Variants in SLC6A19 observed in about 807,000 individuals in gnomAD.
The protein encoded by SLC6A19 is sodium-dependent neutral amino acid transporter B(0)AT1.
SLC6A19 carries 67 observed loss-of-function variants against 68.3 expected under a neutral mutation model. The observed-to-expected ratio is 0.98, with a 90% CI of 0.81 to 1.20. The LOEUF (loss-of-function observed/expected upper bound fraction) is 1.20. Among genes scored for constraint, SLC6A19 ranks in the 50% most tolerant of loss-of-function variants. The probability of loss-of-function intolerance (pLI) is 0.00; values close to 1 mark genes in which losing one functional copy is unlikely to be tolerated. For missense variants in SLC6A19, 813 were observed against 851.6 expected (o/e 0.95, Z 0.56); for synonymous variants, 392 against 374.9 (o/e 1.05, Z -0.53).
rs199734007 is a variant in SLC6A19, at chr5:1,212,375, C to T, written c.554C>T (p.Thr185Met). 514 of 1,613,500 alleles carry T rather than the reference C, an allele frequency of 3.2e-4. No homozygotes were observed. Among genetic ancestry groups the T allele is most frequent in the Non-Finnish European group, 8.6e-5 (102 of 1,179,962 alleles). The change falls in exon 4 of 12, where the codon ACG (threonine) becomes ATG (methionine). Residue 185 changes from threonine (T) to methionine (M), a missense_variant. Transcript: ENST00000304460. This position sits in a 1 kb window ranked among gnomAD's most constrained non-coding sequence, Gnocchi z 5.1. ...TACCGAGAGACGCTCAACATCTCCA[C>T]GTCCATCAGCGACTCGGGCTCCATC... ...FWYRETLNIS[T>M]SISDSGSIQW...
Position 1,222,637 on chromosome 5 carries a change from G to T in SLC6A19, c.*733G>T, listed in dbSNP as rs1037160135. The T allele has an allele frequency of 7.7e-6, 2 of 258,730 alleles. No individual in the cohort carries two copies. Among genetic ancestry groups the T allele is most frequent in the African/African-American group, 2.2e-5 (1 of 45,250 alleles). 16.0% of individuals were successfully genotyped at this position (258,730 alleles called of 1,614,324 possible). A position where few individuals can be genotyped will look rare whatever the true frequency, so the allele number is the denominator to read the frequency against. ...CATATTCAGGCAGGTGTGCATTTGT[G>T]CATGCCAGTGTGTATGTATGTGCGC... On this transcript the variant is annotated 3_prime_UTR_variant, in exon 12 of 12. Coordinates refer to ENST00000304460, the MANE Select transcript of SLC6A19 (RefSeq NM_001003841.3).
chr5:1,205,299 T>C (rs1343937326), intron 1 of SLC6A19, among the ~76,000 whole-genome samples: 24 of 152,242 alleles, frequency 1.6e-4, no homozygotes. Flanking sequence ...CAAATATTCA[T>C]ATTCTGGTGG....
chr5:1,205,213 C>T (rs1394355585), intron 1 of SLC6A19, among the ~76,000 whole-genome samples: 4 of 152,248 alleles, frequency 2.6e-5, no homozygotes, highest in African/African-American at 7.2e-5. Flanking sequence ...GTTCCCTGGG[C>T]GCTGGCCGCC....
chr5:1,220,084 G>A (rs1318859776), intron 10 of SLC6A19, among the ~76,000 whole-genome samples: 1 of 152,072 alleles, frequency 6.6e-6, no homozygotes, highest in Non-Finnish European at 1.5e-5. Flanking sequence ...CTCAGACAGG[G>A]ACTCTTGGTT....
rs1387199462 is a variant in SLC6A19, at chr5:1,209,547, CA to C, written c.343+662del. ...CCCTCCAGGCCCAGGGCAGAGCCCACACCCTCTCGCTGAGTATCCAAGACCT... is the reference window on the plus strand; with the variant it reads ...CCCTCCAGGCCCAGGGCAGAGCCCACCCCTCTCGCTGAGTATCCAAGACCT... On this transcript the variant is annotated intron_variant, in intron 2 of 11. Coordinates refer to ENST00000304460, the MANE Select transcript of SLC6A19 (RefSeq NM_001003841.3). This position sits in a 1 kb window ranked among gnomAD's most constrained non-coding sequence, Gnocchi z 5.5. Among the ~76,000 whole-genome samples, 2 of 152,130 alleles carry C rather than the reference CA, an allele frequency of 1.3e-5. No homozygotes were observed. The highest frequency in any genetic ancestry group is 4.8e-5 in the African/African-American group (2 of 41,432).
intron 1 of SLC6A19, among the ~76,000 whole-genome samples, chr5:1,203,179 A>C (rs1490322485): frequency 6.6e-6 from 1 of 152,090 alleles, no homozygotes; most frequent in East Asian, 1.9e-4. Context: ...TGGGAAGAGG[A>C]GGGGTTGGGA....
intron 1 of SLC6A19, among the ~76,000 whole-genome samples, chr5:1,203,255 T>G (rs796713536): frequency 3.9e-5 from 6 of 152,284 alleles, no homozygotes; most frequent in African/African-American, 1.2e-4. Flanking sequence ...GATGCGGGCT[T>G]GGGCAGGAAT....
Position 1,221,680 on chromosome 5 carries a change from C to T in SLC6A19, c.1702-21C>T, listed in dbSNP as rs190128013. On this transcript the variant is annotated intron_variant, in intron 11 of 11. Coordinates refer to ENST00000304460, the MANE Select transcript of SLC6A19 (RefSeq NM_001003841.3). ...CACTGGCTCCCGGGATGCCTACTCA[C>T]CCATGGGGCTCTCTCCCCAGGAGGA... The T allele has an allele frequency of 8.1e-6, 13 of 1,613,624 alleles. No homozygotes were observed. The East Asian group carries it at 2.9e-4, about 36-fold the overall frequency.
chr5:1,202,872 C>T (rs1485942546), intron 1 of SLC6A19, among the ~76,000 whole-genome samples: 2 of 152,202 alleles, frequency 1.3e-5, no homozygotes, highest in African/African-American at 4.8e-5. Context: ...AGGAGTTGAT[C>T]ACTGCCTTGC....
At chr5:1,206,624 G>A (rs1000266201) in intron 1 of SLC6A19, among the ~76,000 whole-genome samples, 1 of 152,176 alleles carries the variant, frequency 6.6e-6, no homozygotes, top group African/African-American at 2.4e-5. Flanking sequence ...TGGGGAAGGA[G>A]GGTGAGGGTG....
At chr5:1,210,608 G>A (rs374197621) in intron 3 of SLC6A19, 27 bp downstream of exon 3, 39 of 1,610,604 alleles carry the variant, frequency 2.4e-5, no homozygotes, top group South Asian at 5.5e-5. Flanking sequence ...AGCCCCATCC[G>A]TCTCACCTGT....
rs375506845 is a variant in SLC6A19 at position 1,214,073 on chromosome 5, C to A, written c.887+8C>A. On this transcript the variant is annotated splice_region_variant and intron_variant, in intron 6 of 11. Transcript: ENST00000304460. The surrounding 1 kb of genome is among the most constrained non-coding windows in gnomAD (Gnocchi z 7.4). ...CAGCTACAACTCTGTGCAGTGAGTG[C>A]GGGTGTGGTGGGCCTCAGTTTCCCT... is the stretch of plus-strand genomic sequence containing the variant. The A allele has an allele frequency of 4.3e-6, 7 of 1,613,712 alleles. No homozygotes were observed. The South Asian group carries it at 5.5e-5, about 13-fold the overall frequency.
rs13188787 is a variant in SLC6A19, at chr5:1,201,885, C to T, written c.202+33C>T. ...GGCCGGGCGGGGCTGCGGGCGAGGC[C>T]GTGGCCAGGGAAGCACAGACACACG... On this transcript the variant is annotated intron_variant, in intron 1 of 11. Coordinates refer to ENST00000304460, the MANE Select transcript of SLC6A19 (RefSeq NM_001003841.3). The T allele has an allele frequency of 0.042, 66,470 of 1,596,886 alleles. 1,548 individuals are homozygous for T. Among genetic ancestry groups the T allele is most frequent in the Non-Finnish European group, 0.046 (53,863 of 1,176,372 alleles).
At position 1,214,706 on chromosome 5, in the gene SLC6A19, A is replaced by G; in HGVS notation, c.887+641A>G. Among the ~76,000 whole-genome samples, 1 of 151,958 alleles carries G rather than the reference A, an allele frequency of 6.6e-6. No individual in the cohort carries two copies. Among genetic ancestry groups the G allele is most frequent in the East Asian group, 1.9e-4 (1 of 5,182 alleles). On this transcript the variant is annotated intron_variant, in intron 6 of 11. Transcript: ENST00000304460. The surrounding 1 kb of genome is among the most constrained non-coding windows in gnomAD (Gnocchi z 7.4). Reference sequence around the variant, plus strand: ...CTCTGTGTGGTGACCAGAATTTCAGAGCAGAAGGGGCTGGGGGTGAGGGAG... The same window carrying G: ...CTCTGTGTGGTGACCAGAATTTCAGGGCAGAAGGGGCTGGGGGTGAGGGAG...
At position 1,216,957 on chromosome 5, in the gene SLC6A19, CCGGAG is replaced by C. The variant is rs1561167863; in HGVS notation, c.1173+14_1173+18del. On this transcript the variant is annotated intron_variant, in intron 8 of 11. Coordinates refer to ENST00000304460, the MANE Select transcript of SLC6A19 (RefSeq NM_001003841.3). ...CCTTCCTCTCAGAGGTAGGTCCATT[CCGGAG>C]CTCGAGGCAGGGAGAGGGCACCCCT... is the stretch of plus-strand genomic sequence containing the variant. 4.3e-5 allele frequency: 69 copies of C among 1,611,890 alleles called. No individual in the cohort carries two copies. Among genetic ancestry groups the C allele is most frequent in the Non-Finnish European group, 5.8e-5 (69 of 1,179,958 alleles).
At position 1,214,134 on chromosome 5, in the gene SLC6A19, G is replaced by A. The variant is rs1444332148; in HGVS notation, c.887+69G>A. 9.3e-6 allele frequency: 15 copies of A among 1,609,634 alleles called. No homozygotes were observed. Among genetic ancestry groups the A allele is most frequent in the East Asian group, 2.2e-5 (1 of 44,780 alleles). On this transcript the variant is annotated intron_variant, in intron 6 of 11. Transcript: ENST00000304460. This position sits in a 1 kb window ranked among gnomAD's most constrained non-coding sequence, Gnocchi z 7.4. ...GGGGGATCTTGCTGGGAGGATAAAA[G>A]ACAAGGTGGAAAGCACTCTGTGGCT...
chr5:1,213,870 C>G, intron 5 of SLC6A19, 83 bp from the exon 6 acceptor site: 1 of 1,583,886 alleles, frequency 6.3e-7, no homozygotes, highest in Non-Finnish European at 8.6e-7. Flanking sequence ...CTCGACCCTC[C>G]CCGCCTCCCT....
intron 1 of SLC6A19, among the ~76,000 whole-genome samples, chr5:1,207,060 G>A (rs193216954): frequency 5.9e-5 from 9 of 152,352 alleles, no homozygotes; most frequent in Admixed American, 5.9e-4. Flanking sequence ...CCCATAGCAG[G>A]GTGCTCGGGT....
Position 1,214,160 on chromosome 5 carries a change from G to C in SLC6A19, c.887+95G>C. The C allele has an allele frequency of 6.3e-7, 1 of 1,580,220 alleles. No homozygotes were observed. The highest frequency in any genetic ancestry group is 1.8e-5 in the Admixed American group (1 of 55,440). ...ACAAGGTGGAAAGCACTCTGTGGCT[G>C]TGTGGCCGGGGCCTTGCTGCCCCGA... On this transcript the variant is annotated intron_variant, in intron 6 of 11. Coordinates refer to ENST00000304460, the MANE Select transcript of SLC6A19 (RefSeq NM_001003841.3). The surrounding 1 kb of genome is among the most constrained non-coding windows in gnomAD (Gnocchi z 7.4).
Sources: gnomAD v4.1 joint callset for allele counts (sites outside exome capture counted in the v4.1 genomes callset) on GRCh38, gnomAD v4.1.1 for gene constraint, Gnocchi (gnomAD v3.1) non-coding constraint, MANE v1.5 for transcripts, NCBI Gene and HGNC (gene_info 2026-07-23, HGNC 2026-07-21) for gene names.